The following CSGALNACT1 variants were observed in gnomAD, a reference collection of about 807,000 sequenced individuals.
The protein encoded by CSGALNACT1 is chondroitin sulfate N-acetylgalactosaminyltransferase 1.
A neutral mutation model predicts 51.0 loss-of-function variants in CSGALNACT1; 52 were observed. The ratio of observed to expected loss-of-function variants is 1.02; its 90% CI spans 0.82 to 1.29. The LOEUF (loss-of-function observed/expected upper bound fraction) is 1.29, where lower values mean the gene tolerates loss of function less well. Among genes scored for constraint, CSGALNACT1 ranks in the 50% most tolerant of loss-of-function variants. The probability of loss-of-function intolerance (pLI) is 0.00; values close to 1 mark genes in which losing one functional copy is unlikely to be tolerated. For synonymous variants in CSGALNACT1, 341 were observed against 254.4 expected (o/e 1.34, Z -3.24); for missense variants, 935 against 679.2 (o/e 1.38, Z -4.19).
chr8:19,541,275 G>A (rs2085063179), intron 3 of CSGALNACT1, among the ~76,000 whole-genome samples: 1 of 142,680 alleles, frequency 7.0e-6, no homozygotes, highest in South Asian at 2.2e-4. Flanking sequence ...TTTTGAGACG[G>A]AGTCTTGCTT....
At chr8:19,465,282 T>C (rs1008288919) in intron 4 of CSGALNACT1, among the ~76,000 whole-genome samples, 1 of 152,082 alleles carries the variant, frequency 6.6e-6, no homozygotes, top group Non-Finnish European at 1.5e-5. Context: ...TGATAGGAGG[T>C]ACTTAGAGTA....
At chr8:19,614,410 G>C (rs1250887969) in intron 1 of CSGALNACT1, among the ~76,000 whole-genome samples, 1 of 152,092 alleles carries the variant, frequency 6.6e-6, no homozygotes, top group African/African-American at 2.4e-5. Context: ...TTGTCAGTTA[G>C]CCAGTTTCTG....
chr8:19,597,939 T>G (rs1377330564), intron 2 of CSGALNACT1, among the ~76,000 whole-genome samples: 1 of 152,128 alleles, frequency 6.6e-6, no homozygotes, highest in East Asian at 1.9e-4. Context: ...AATAAGGCAA[T>G]AGAGAGAGGC....
At chr8:19,730,550 G>C (rs940610026) in intron 1 of CSGALNACT1, among the ~76,000 whole-genome samples, 2 of 152,176 alleles carry the variant, frequency 1.3e-5, no homozygotes, top group East Asian at 3.9e-4. Context: ...AAGCAAAAAA[G>C]TATGTAAGGT....
chr8:19,461,519 G>A lies in CSGALNACT1; in HGVS notation c.635-2877C>T, dbSNP rs74523900. Among the ~76,000 whole-genome samples, 168 of 123,308 alleles carry A rather than the reference G, an allele frequency of 1.4e-3. 2 individuals carry two copies. The highest frequency in any genetic ancestry group is 4.7e-3 in the African/African-American group (161 of 34,416). The allele number at this position is 123,308 out of a possible 152,430, so 80.9% of individuals were successfully genotyped here. ...ACAGCAGCCACATTCACCATGGGGG[G>A]CGTATCCGCACAGCGGCCACATTCA... is the stretch of plus-strand genomic sequence containing the variant. On this transcript the variant is annotated intron_variant, in intron 4 of 9. Transcript: ENST00000454498.
intron 4 of CSGALNACT1, among the ~76,000 whole-genome samples, chr8:19,483,643 T>A (rs1379332794): frequency 6.6e-6 from 1 of 152,230 alleles, no homozygotes; most frequent in African/African-American, 2.4e-5. Flanking sequence ...CCTTCCTACA[T>A]GCCCCATACA....
intron 3 of CSGALNACT1, among the ~76,000 whole-genome samples, chr8:19,546,936 C>A (rs923504417): frequency 2.0e-5 from 3 of 152,206 alleles, no homozygotes; most frequent in African/African-American, 7.2e-5. Context: ...TCAAGATGCT[C>A]TTCGCAGAGG....
At chr8:19,653,687 G>A (rs1281153330) in intron 1 of CSGALNACT1, among the ~76,000 whole-genome samples, 1 of 152,090 alleles carries the variant, frequency 6.6e-6, no homozygotes, top group African/African-American at 2.4e-5. Flanking sequence ...CCAGCTACTT[G>A]TGAGGCTGAG....
chr8:19,664,828 C>T (rs1421443090), intron 1 of CSGALNACT1, among the ~76,000 whole-genome samples: 2 of 152,102 alleles, frequency 1.3e-5, no homozygotes, highest in East Asian at 1.9e-4. Context: ...TAAGTGTGAG[C>T]TAAATAATGT....
chr8:19,407,465 C>T (rs1483237829), intron 9 of CSGALNACT1, among the ~76,000 whole-genome samples: 1 of 152,132 alleles, frequency 6.6e-6, no homozygotes, highest in African/African-American at 2.4e-5. Flanking sequence ...ATCAACGTTT[C>T]GGGACTGTTC....
At chr8:19,541,068 T>C (rs1352815202) in intron 3 of CSGALNACT1, among the ~76,000 whole-genome samples, 2 of 151,372 alleles carry the variant, frequency 1.3e-5, no homozygotes, top group Admixed American at 6.6e-5. Context: ...ATTATACTAA[T>C]GTATTTTCTC....
chr8:19,657,306 C>CTGAAAGATAAAA (rs2058370213), intron 1 of CSGALNACT1, among the ~76,000 whole-genome samples: 1 of 148,686 alleles, frequency 6.7e-6, no homozygotes. Context: ...GAAAGATAAA[C>CTGAAAGATAAAA]TGAAAGACGT....
chr8:19,554,252 C>T (rs780046217), intron 3 of CSGALNACT1, among the ~76,000 whole-genome samples: 42 of 152,160 alleles, frequency 2.8e-4, no homozygotes, highest in Non-Finnish European at 4.4e-4. Context: ...TCATCAGCAA[C>T]ACTGCACATC....
intron 2 of CSGALNACT1, among the ~76,000 whole-genome samples, chr8:19,600,103 A>C (rs2050080580): frequency 6.6e-6 from 1 of 152,134 alleles, no homozygotes; most frequent in Non-Finnish European, 1.5e-5. Flanking sequence ...TCATTCATTT[A>C]GAGACAGAGT....
intron 1 of CSGALNACT1, among the ~76,000 whole-genome samples, chr8:19,670,672 A>AAAAAAG: frequency 6.9e-6 from 1 of 144,206 alleles, no homozygotes; most frequent in South Asian, 2.2e-4. Flanking sequence ...AAAAAAAAAA[A>AAAAAAG]AGAGAAAATA....
chr8:19,531,073 T>C (rs1380152115), intron 3 of CSGALNACT1, among the ~76,000 whole-genome samples: 1 of 152,180 alleles, frequency 6.6e-6, no homozygotes, highest in Non-Finnish European at 1.5e-5. Flanking sequence ...CCATTTCCTA[T>C]TACATGAAAA....
intron 4 of CSGALNACT1, among the ~76,000 whole-genome samples, chr8:19,476,367 A>G (rs2069642643): frequency 6.6e-6 from 1 of 151,988 alleles, no homozygotes; most frequent in East Asian, 1.9e-4. Context: ...GCCTCCCCCA[A>G]GTAGCTGGGA....
intron 2 of CSGALNACT1, among the ~76,000 whole-genome samples, chr8:19,593,392 G>A (rs548023034): frequency 3.0e-4 from 46 of 152,308 alleles, no homozygotes; most frequent in African/African-American, 1.0e-3. Context: ...GCATCATTTT[G>A]TGGTCCTCCT....
intron 5 of CSGALNACT1, among the ~76,000 whole-genome samples, chr8:19,446,959 C>A (rs555591112): frequency 1.3e-5 from 2 of 152,296 alleles, no homozygotes; most frequent in Non-Finnish European, 2.9e-5. Context: ...AGTACAGAGG[C>A]TAATTAAGAT....
Sources: gnomAD v4.1 joint callset for allele counts (sites outside exome capture counted in the v4.1 genomes callset) on GRCh38, gnomAD v4.1.1 for gene constraint, MANE v1.5 for transcripts, NCBI Gene and HGNC (gene_info 2026-07-23, HGNC 2026-07-21) for gene names.